Variants in STAT1 observed in about 807,000 individuals in gnomAD.
STAT1 encodes the protein signal transducer and activator of transcription 1.
A neutral mutation model predicts 111.7 loss-of-function variants in STAT1; 24 were observed. The observed-to-expected ratio is 0.21, with a 90% CI of 0.16 to 0.30. The LOEUF (loss-of-function observed/expected upper bound fraction) is 0.30, where lower values mean the gene tolerates loss of function less well. Among genes scored for constraint, STAT1 ranks in the 10% least tolerant of loss-of-function variants. The pLI is 1.00. For missense variants in STAT1, 351 were observed against 911.9 expected, an observed-to-expected ratio of 0.38 and a Z score of 7.92; for synonymous variants, 332 against 326.5, an observed-to-expected ratio of 1.02 and a Z score of -0.18.
Position 190,979,022 on chromosome 2 carries a change from C to G in STAT1, c.1728-21G>C. ...TGCACCTGGATATCGAAGAGATGGA[C>G]GGATGGGCTTTTAGTTCAATCATGA... On this transcript the variant is annotated intron_variant, in intron 20 of 24. Coordinates refer to ENST00000361099, the MANE Select transcript of STAT1 (RefSeq NM_007315.4). The surrounding 1 kb of genome is among the most constrained non-coding windows in gnomAD (Gnocchi z 5.8). 6.2e-7 allele frequency: 1 copy of G among 1,613,978 alleles called. No individual in the cohort carries two copies. Among genetic ancestry groups the G allele is most frequent in the Non-Finnish European group, 8.5e-7 (1 of 1,179,942 alleles).
rs917116199 is a variant in STAT1, at chr2:190,980,155, G to A, written c.1633-289C>T. ...GGGGGTGACCTCCAGCGTGACTCAC[G>A]GAAACACAAGCTGCCCCACACTAGC... On this transcript the variant is annotated intron_variant, in intron 19 of 24. Transcript: ENST00000361099. The surrounding 1 kb of genome is among the most constrained non-coding windows in gnomAD (Gnocchi z 6.1). 5.9e-5 allele frequency among the ~76,000 whole-genome samples: 9 copies of A among 152,212 alleles called. No individual in the cohort carries two copies. Among genetic ancestry groups the A allele is most frequent in the African/African-American group, 1.7e-4 (7 of 41,456 alleles).
chr2:191,007,414 T>C lies in STAT1; in HGVS notation c.372+149A>G, dbSNP rs1015149184. ...GGATCTTTCTTAAAGCCTGGTTCTA[T>C]AAAATCTCTAAATCTGATTCTCCCA... On this transcript the variant is annotated intron_variant, in intron 5 of 24. Transcript: ENST00000361099. This position sits in a 1 kb window ranked among gnomAD's most constrained non-coding sequence, Gnocchi z 4.2. 25 of 658,944 alleles carry C rather than the reference T, an allele frequency of 3.8e-5. No homozygotes were observed. Among genetic ancestry groups the C allele is most frequent in the South Asian group, 5.6e-5 (3 of 53,760 alleles). The allele number at this position is 658,944 out of a possible 1,614,324, so 40.8% of individuals were successfully genotyped here.
rs960394523 is a variant in STAT1 at position 190,996,451 on chromosome 2, T to C, written c.786-1232A>G. Reference sequence around the variant, plus strand: ...GAAGCTAAACCAGTGTCCCCAACTCTGCTTGCACACAGAGAAAATGACAGC... The same window carrying C: ...GAAGCTAAACCAGTGTCCCCAACTCCGCTTGCACACAGAGAAAATGACAGC... On this transcript the variant is annotated intron_variant, in intron 9 of 24. Coordinates refer to ENST00000361099, the MANE Select transcript of STAT1 (RefSeq NM_007315.4). This position sits in a 1 kb window ranked among gnomAD's most constrained non-coding sequence, Gnocchi z 4.5. Among the ~76,000 whole-genome samples the C allele has an allele frequency of 2.6e-5, 4 of 152,200 alleles. No individual in the cohort carries two copies. Among genetic ancestry groups the C allele is most frequent in the African/African-American group, 4.8e-5 (2 of 41,458 alleles).
chr2:190,998,311 A>G lies in STAT1; in HGVS notation c.542-3T>C, dbSNP rs377490932. Reference sequence around the variant, plus strand: ...TGCCACACCATTGGTCTCGTGTTCTATAAATTGAGAGACAGCCAGTAAATA... The same window carrying G: ...TGCCACACCATTGGTCTCGTGTTCTGTAAATTGAGAGACAGCCAGTAAATA... On this transcript the variant is annotated splice_polypyrimidine_tract_variant and splice_region_variant and intron_variant, in intron 7 of 24. Transcript: ENST00000361099. The surrounding 1 kb of genome is among the most constrained non-coding windows in gnomAD (Gnocchi z 4.1). 6.0e-5 allele frequency: 96 copies of G among 1,609,480 alleles called. No individual in the cohort carries two copies. The highest frequency in any genetic ancestry group is 8.0e-5 in the Non-Finnish European group (94 of 1,176,390).
In STAT1 at chr2:190,995,115, T is replaced by C. The variant is rs932535296; in HGVS notation, c.890A>G (p.Asn297Ser). The stretch of plus-strand genomic sequence containing the variant: ...GGTGCGGTCCCATAACACTTGTTTG[T>C]TTTTTGTGATAGGGTCATGTTCGTA... Reference protein sequence around the residue: ...YTYEHDPITKNKQVLWDRTFS... With the variant: ...YTYEHDPITKSKQVLWDRTFS... Residue 297 changes from asparagine to serine, a missense_variant, in exon 10 of 25, where the codon AAC becomes AGC. Transcript: ENST00000361099. The surrounding 1 kb of genome is among the most constrained non-coding windows in gnomAD (Gnocchi z 4.2). 6.2e-7 allele frequency: 1 copy of C among 1,613,848 alleles called. No homozygotes were observed. Among genetic ancestry groups the C allele is most frequent in the Non-Finnish European group, 8.5e-7 (1 of 1,179,916 alleles).
rs562030536 is a variant in STAT1, at chr2:191,007,438, C to T, written c.372+125G>A. ...ATAAAATCTCTAAATCTGATTCTCC[C>T]ACTTCTTGGGGCTATAAAATTAGAG... On this transcript the variant is annotated intron_variant, in intron 5 of 24. Transcript: ENST00000361099. The surrounding 1 kb of genome is among the most constrained non-coding windows in gnomAD (Gnocchi z 4.2). 1.6e-4 allele frequency: 112 copies of T among 722,298 alleles called. No individual in the cohort carries two copies. In the South Asian group the frequency reaches 1.7e-3, roughly 11 times the overall value. 44.7% of individuals were successfully genotyped at this position (722,298 alleles called of 1,614,324 possible).
chr2:190,998,499 C>T lies in STAT1; in HGVS notation c.542-191G>A, dbSNP rs1694011972. The stretch of plus-strand genomic sequence containing the variant: ...CAACTAGACACACTGAAACAAAATA[C>T]TTGTTTTCAAAAATTAGCCGGGCGC... On this transcript the variant is annotated intron_variant, in intron 7 of 24. Transcript: ENST00000361099. The surrounding 1 kb of genome is among the most constrained non-coding windows in gnomAD (Gnocchi z 4.1). Among the ~76,000 whole-genome samples the T allele has an allele frequency of 6.6e-6, 1 of 151,814 alleles. No individual in the cohort carries two copies. The highest frequency in any genetic ancestry group is 2.4e-5 in the African/African-American group (1 of 41,314).
In STAT1 at chr2:191,006,718, C is replaced by T. The variant is rs984188396; in HGVS notation, c.372+845G>A. ...CACCCCAGTGCTCAAGAAAGGAATA[C>T]TAAATGCCATAGCAAATTCAAAACT... On this transcript the variant is annotated intron_variant, in intron 5 of 24. Transcript: ENST00000361099. The surrounding 1 kb of genome is among the most constrained non-coding windows in gnomAD (Gnocchi z 4.6). Among the ~76,000 whole-genome samples, 1 of 152,166 alleles carries T rather than the reference C, an allele frequency of 6.6e-6. No individual in the cohort carries two copies. Among genetic ancestry groups the T allele is most frequent in the Non-Finnish European group, 1.5e-5 (1 of 68,028 alleles).
intron 4 of STAT1, among the ~76,000 whole-genome samples, chr2:191,008,307 T>C (rs1694860753): frequency 6.6e-6 from 1 of 152,228 alleles, no homozygotes; most frequent in Non-Finnish European, 1.5e-5. Context: ...AAGAAAATGA[T>C]AGCTTTCACC....
chr2:190,980,743 G>A lies in STAT1; in HGVS notation c.1583-74C>T. ...AGCTTTGGTTGGACGGATGGCTCTT[G>A]TATTTGCTCTCAAGGAAAAGAGCCA... On this transcript the variant is annotated intron_variant, in intron 18 of 24. Coordinates refer to ENST00000361099, the MANE Select transcript of STAT1 (RefSeq NM_007315.4). This position sits in a 1 kb window ranked among gnomAD's most constrained non-coding sequence, Gnocchi z 6.1. 6.9e-7 allele frequency: 1 copy of A among 1,453,258 alleles called. No individual in the cohort carries two copies. Among genetic ancestry groups the A allele is most frequent in the Non-Finnish European group, 9.6e-7 (1 of 1,036,474 alleles). 90.0% of individuals were successfully genotyped at this position (1,453,258 alleles called of 1,614,324 possible).
At position 190,993,573 on chromosome 2, in the gene STAT1, T is replaced by C; in HGVS notation, c.944+1488A>G. The C allele has an allele frequency of 3.2e-6, 2 of 618,098 alleles. No homozygotes were observed. The highest frequency in any genetic ancestry group is 6.2e-6 in the Non-Finnish European group (2 of 322,510). 38.3% of individuals were successfully genotyped at this position (618,098 alleles called of 1,614,324 possible). A position where few individuals can be genotyped will look rare whatever the true frequency, so the allele number is the denominator to read the frequency against. On this transcript the variant is annotated intron_variant, in intron 10 of 24. Coordinates refer to ENST00000361099, the MANE Select transcript of STAT1 (RefSeq NM_007315.4). The surrounding 1 kb of genome is among the most constrained non-coding windows in gnomAD (Gnocchi z 4.1). Reference sequence around the variant, plus strand: ...TTGGGATTCATGCTGGACATGTCACTGTAGCTGCCACCGCTGCCACGGCCA... The same window carrying C: ...TTGGGATTCATGCTGGACATGTCACCGTAGCTGCCACCGCTGCCACGGCCA...
intron 10 of STAT1, 99 bp from the exon 11 acceptor site, chr2:190,991,419 C>G (rs141426146): frequency 2.8e-6 from 3 of 1,074,330 alleles, no homozygotes; most frequent in African/African-American, 1.6e-5. Flanking sequence ...TTAGAGAGTA[C>G]GATCTAAAAA....
rs1693949356 is a variant in STAT1, at chr2:190,997,545, A to C, written c.785+311T>G. ...AATGCCTCAAGCTATCTTGTTTTTA[A>C]GGAAACATTAAGAGTCAAGTCATTA... On this transcript the variant is annotated intron_variant, in intron 9 of 24. Transcript: ENST00000361099. The surrounding 1 kb of genome is among the most constrained non-coding windows in gnomAD (Gnocchi z 7.3). Among the ~76,000 whole-genome samples the C allele has an allele frequency of 6.6e-6, 1 of 152,206 alleles. No homozygotes were observed. The highest frequency in any genetic ancestry group is 1.5e-5 in the Non-Finnish European group (1 of 68,036).
rs978510232 is a variant in STAT1, at chr2:190,975,599, T to C, written c.2135+213A>G. The C allele has an allele frequency of 4.2e-6, 6 of 1,429,886 alleles. No individual in the cohort carries two copies. In the African/African-American group the frequency reaches 4.3e-5, roughly 10 times the overall value. 88.6% of individuals were successfully genotyped at this position (1,429,886 alleles called of 1,614,324 possible). A position where few individuals can be genotyped will look rare whatever the true frequency, so the allele number is the denominator to read the frequency against. On this transcript the variant is annotated intron_variant, in intron 23 of 24. Coordinates refer to ENST00000361099, the MANE Select transcript of STAT1 (RefSeq NM_007315.4). This position sits in a 1 kb window ranked among gnomAD's most constrained non-coding sequence, Gnocchi z 5.9. ...GGTATCAGTTTTGGGAAAATTTATA[T>C]ACCTTAAATACAAATTTGGTTTTTG...
rs770905993 is a variant in STAT1, at chr2:190,993,638, C to A, written c.944+1423G>T. ...GCTGCTGCCCTGACTCTCTGCACCA[C>A]GGGTAACTGAAGGAAAGGAATGAGA... On this transcript the variant is annotated intron_variant, in intron 10 of 24. Transcript: ENST00000361099. This position sits in a 1 kb window ranked among gnomAD's most constrained non-coding sequence, Gnocchi z 4.1. The A allele has an allele frequency of 5.4e-6, 3 of 553,660 alleles. No homozygotes were observed. Among genetic ancestry groups the A allele is most frequent in the East Asian group, 4.0e-5 (1 of 24,824 alleles). 34.3% of individuals were successfully genotyped at this position (553,660 alleles called of 1,614,324 possible).
intron 5 of STAT1, among the ~76,000 whole-genome samples, chr2:191,002,790 T>TA (rs1694373922): frequency 2.0e-5 from 3 of 152,132 alleles, no homozygotes; most frequent in Admixed American, 6.5e-5. Flanking sequence ...GATATATATA[T>TA]TTTTTTGTGT....
intron 5 of STAT1, 101 bp from the exon 6 acceptor site, chr2:191,001,264 T>C (rs1279456837): frequency 1.1e-6 from 1 of 878,668 alleles, no homozygotes; most frequent in African/African-American, 1.7e-5. Flanking sequence ...CCAGATCTTC[T>C]GACATGTACT....
Position 190,997,586 on chromosome 2 carries a change from G to A in STAT1, c.785+270C>T, listed in dbSNP as rs1182855167. ...CAAGTCATTAAATGTGTTCTATAAC[G>A]ACCATGTCACTGATGTTTTGTACAG... On this transcript the variant is annotated intron_variant, in intron 9 of 24. Coordinates refer to ENST00000361099, the MANE Select transcript of STAT1 (RefSeq NM_007315.4). This position sits in a 1 kb window ranked among gnomAD's most constrained non-coding sequence, Gnocchi z 7.3. Among the ~76,000 whole-genome samples the A allele has an allele frequency of 6.6e-6, 1 of 152,070 alleles. No individual in the cohort carries two copies. Among genetic ancestry groups the A allele is most frequent in the East Asian group, 1.9e-4 (1 of 5,190 alleles).
chr2:190,982,795 C>A lies in STAT1; in HGVS notation c.1447-277G>T, dbSNP rs916611176. Among the ~76,000 whole-genome samples the A allele has an allele frequency of 1.3e-5, 2 of 152,200 alleles. No homozygotes were observed. Among genetic ancestry groups the A allele is most frequent in the African/African-American group, 4.8e-5 (2 of 41,440 alleles). On this transcript the variant is annotated intron_variant, in intron 17 of 24. Coordinates refer to ENST00000361099, the MANE Select transcript of STAT1 (RefSeq NM_007315.4). The surrounding 1 kb of genome is among the most constrained non-coding windows in gnomAD (Gnocchi z 7.3). ...ACACCCGTGCACACACAGCAGCACACAGCAGCAAAGAATTCGAGTCTCTTA... is the reference window on the plus strand; with the variant it reads ...ACACCCGTGCACACACAGCAGCACAAAGCAGCAAAGAATTCGAGTCTCTTA...
Sources: gnomAD v4.1 joint callset for allele counts (sites outside exome capture counted in the v4.1 genomes callset) on GRCh38, gnomAD v4.1.1 for gene constraint, Gnocchi (gnomAD v3.1) non-coding constraint, MANE v1.5 for transcripts, NCBI Gene and HGNC (gene_info 2026-07-23, HGNC 2026-07-21) for gene names.